The following CPSF2 variants were observed in gnomAD, a reference collection of about 807,000 sequenced individuals.
CPSF2 encodes cleavage and polyadenylation specific factor 2.
Under a neutral mutation model 84.2 loss-of-function variants are expected in CPSF2, and 51 were observed. That is an observed-to-expected ratio of 0.61 (90% confidence interval 0.48 to 0.77). CPSF2 has a LOEUF of 0.77. CPSF2 is among the 30% of genes least tolerant of loss of function. The probability of loss-of-function intolerance (pLI) is 0.00; values close to 1 mark genes in which losing one functional copy is unlikely to be tolerated. For missense variants in CPSF2, 641 were observed against 929.4 expected, an observed-to-expected ratio of 0.69 and a Z score of 4.03; for synonymous variants, 286 against 311.9, an observed-to-expected ratio of 0.92 and a Z score of 0.87.
Position 92,160,251 on chromosome 14 carries a change from A to G in CPSF2, c.2122-861A>G, listed in dbSNP as rs149505273. On this transcript the variant is annotated intron_variant, in intron 14 of 15. Transcript: ENST00000298875. Reference sequence around the variant, plus strand: ...GTGCTGGGATTACAGGCGTGAGCCAATGCACCCAGCCAATAGTCATACCTC... The same window carrying G: ...GTGCTGGGATTACAGGCGTGAGCCAGTGCACCCAGCCAATAGTCATACCTC... Among the ~76,000 whole-genome samples the G allele has an allele frequency of 6.3e-3, 957 of 152,272 alleles. 9 individuals are homozygous for G. The highest frequency in any genetic ancestry group is 0.022 in the African/African-American group (903 of 41,568).
Position 92,155,133 on chromosome 14 carries a change from G to C in CPSF2, c.1252G>C (p.Asp418His). The change falls in exon 11 of 16, where the codon GAT (aspartate) becomes CAT (histidine). Residue 418 changes from aspartate to histidine, a missense_variant. Physicochemically the swap from Asp to His is moderately conservative, Grantham distance 81. Transcript: ENST00000298875. ...CTAAAATCCTCCTAGGGCAGATATA[G>C]ATTCCAGTGATGAGAGTGATATTGA... ...KLEQSKEADI[D>H]SSDESDIEED... 6.2e-7 allele frequency: 1 copy of C among 1,612,372 alleles called. No homozygotes were observed. The highest frequency in any genetic ancestry group is 8.5e-7 in the Non-Finnish European group (1 of 1,178,482).
At chr14:92,144,341 T>C (rs753922038) in intron 9 of CPSF2, among the ~76,000 whole-genome samples, 13 of 152,242 alleles carry the variant, frequency 8.5e-5, no homozygotes, top group Non-Finnish European at 1.8e-4. Flanking sequence ...CCATTCCTGC[T>C]ATCATGCTAT....
intron 9 of CPSF2, among the ~76,000 whole-genome samples, chr14:92,151,453 T>C (rs10131491): frequency 0.099 from 14,888 of 150,798 alleles, 805 homozygotes; most frequent in East Asian, 0.15. Context: ...AAAAAAAAAT[T>C]AACACAACAG....
At chr14:92,145,126 C>T (rs1314788053) in intron 9 of CPSF2, among the ~76,000 whole-genome samples, 1 of 152,154 alleles carries the variant, frequency 6.6e-6, no homozygotes, top group Non-Finnish European at 1.5e-5. Flanking sequence ...TTAATAACTG[C>T]CAGAGTTGTA....
At chr14:92,147,629 A>C (rs528884106) in intron 9 of CPSF2, among the ~76,000 whole-genome samples, 8 of 152,344 alleles carry the variant, frequency 5.3e-5, no homozygotes, top group African/African-American at 1.7e-4. Flanking sequence ...TTTTAAAAAA[A>C]ACCCACTATT....
rs2069435018 is a variant in CPSF2 at position 92,165,693 on chromosome 14, T to C, written c.*3949T>C. 1 of 152,092 alleles carries C rather than the reference T, an allele frequency of 6.6e-6. No individual in the cohort carries two copies. Among genetic ancestry groups the C allele is most frequent in the South Asian group, 2.1e-4 (1 of 4,822 alleles). The allele number at this position is 152,092 out of a possible 1,614,324, so 9.4% of individuals were successfully genotyped here. On this transcript the variant is annotated 3_prime_UTR_variant, in exon 16 of 16. Coordinates refer to ENST00000298875, the MANE Select transcript of CPSF2 (RefSeq NM_017437.3). The stretch of plus-strand genomic sequence containing the variant: ...TGTAAGAGTTTTTTTATATATTTTC[T>C]GGATACTAAACCATTATATATTGAT...
chr14:92,129,143 G>A (rs1378745948), intron 2 of CPSF2, among the ~76,000 whole-genome samples: 1 of 152,076 alleles, frequency 6.6e-6, no homozygotes, highest in East Asian at 1.9e-4. Flanking sequence ...AAGTACAGGG[G>A]GTACAAGAAG....
intron 9 of CPSF2, among the ~76,000 whole-genome samples, chr14:92,153,703 C>CT (rs35788212): frequency 0.28 from 37,199 of 131,214 alleles, 5,720 homozygotes; most frequent in East Asian, 0.43. Context: ...CCACTACTGG[C>CT]TTTTTTTTTT....
At chr14:92,146,108 CA>C (rs1349714557) in intron 9 of CPSF2, among the ~76,000 whole-genome samples, 2 of 152,184 alleles carry the variant, frequency 1.3e-5, no homozygotes, top group African/African-American at 4.8e-5. Flanking sequence ...AAGTGTATAG[CA>C]TGATGAACTT....
rs149061419 is a variant in CPSF2 at position 92,166,387 on chromosome 14, C to G, written c.*4643C>G. 1 of 152,056 alleles carries G rather than the reference C, an allele frequency of 6.6e-6. No individual in the cohort carries two copies. The highest frequency in any genetic ancestry group is 1.5e-5 in the Non-Finnish European group (1 of 68,054). 9.4% of individuals were successfully genotyped at this position (152,056 alleles called of 1,614,324 possible). ...TTTGAGGCAGGGTCTCACTCTGTCA[C>G]GCAGGCTTGTGTGCATTGGTGCAAT... On this transcript the variant is annotated 3_prime_UTR_variant, in exon 16 of 16. Transcript: ENST00000298875.
rs931134040 is a variant in CPSF2, at chr14:92,169,856, G to A, written c.*8112G>A. ...TCTAATAGTATAAAAATCAGTGTAGGCCCAGCACAGTGGTTCACACCTGTA... is the reference window on the plus strand; with the variant it reads ...TCTAATAGTATAAAAATCAGTGTAGACCCAGCACAGTGGTTCACACCTGTA... On this transcript the variant is annotated 3_prime_UTR_variant, in exon 16 of 16. Transcript: ENST00000298875. The A allele has an allele frequency of 5.9e-5, 9 of 152,052 alleles. No homozygotes were observed. Among genetic ancestry groups the A allele is most frequent in the Admixed American group, 5.2e-4 (8 of 15,254 alleles). 9.4% of individuals were successfully genotyped at this position (152,052 alleles called of 1,614,324 possible).
At chr14:92,146,413 C>T (rs900704370) in intron 9 of CPSF2, among the ~76,000 whole-genome samples, 3 of 151,988 alleles carry the variant, frequency 2.0e-5, no homozygotes, top group East Asian at 1.9e-4. Context: ...CCCAGCTACT[C>T]GGGAGGCTGA....
intron 7 of CPSF2, among the ~76,000 whole-genome samples, chr14:92,140,895 CAG>C (rs1264066516): frequency 6.6e-6 from 1 of 152,050 alleles, no homozygotes. Context: ...GCCTGGGTGA[CAG>C]AGCGAGACCC....
chr14:92,130,620 TTTAA>T (rs2068909963), intron 2 of CPSF2, among the ~76,000 whole-genome samples: 2 of 152,220 alleles, frequency 1.3e-5, no homozygotes, highest in South Asian at 4.1e-4. Context: ...GTGAGGAAAG[TTTAA>T]TTAACTTGCT....
intron 2 of CPSF2, among the ~76,000 whole-genome samples, chr14:92,126,889 A>C (rs989598302): frequency 6.6e-6 from 1 of 152,158 alleles, no homozygotes; most frequent in Non-Finnish European, 1.5e-5. Flanking sequence ...GGGATGTGCT[A>C]ATGTACTAAG....
In CPSF2 at chr14:92,157,378, A is replaced by G. The variant is rs2069303663; in HGVS notation, c.1596-281A>G. Reference sequence around the variant, plus strand: ...CAAAATTATCCCTGCGTGGTGGTGCATGCCTATAATCCCAGTTACTTGGGA... The same window carrying G: ...CAAAATTATCCCTGCGTGGTGGTGCGTGCCTATAATCCCAGTTACTTGGGA... On this transcript the variant is annotated intron_variant, in intron 12 of 15. Transcript: ENST00000298875. This position sits in a 1 kb window ranked among gnomAD's most constrained non-coding sequence, Gnocchi z 4.0. 6.6e-6 allele frequency among the ~76,000 whole-genome samples: 1 copy of G among 152,152 alleles called. No homozygotes were observed. The highest frequency in any genetic ancestry group is 1.5e-5 in the Non-Finnish European group (1 of 68,022).
intron 3 of CPSF2, among the ~76,000 whole-genome samples, chr14:92,132,196 G>A (rs1406461052): frequency 4.0e-5 from 6 of 151,622 alleles, no homozygotes; most frequent in Non-Finnish European, 7.4e-5. Context: ...GTGCAATGGC[G>A]TGCTTTTGGC....
chr14:92,148,167 T>C (rs909148721), intron 9 of CPSF2, among the ~76,000 whole-genome samples: 1 of 152,218 alleles, frequency 6.6e-6, no homozygotes, highest in African/African-American at 2.4e-5. Context: ...TTCCCCCTTT[T>C]CCATTACTTT....
intron 9 of CPSF2, among the ~76,000 whole-genome samples, chr14:92,153,175 G>C (rs1403807395): frequency 3.3e-5 from 5 of 151,908 alleles, no homozygotes; most frequent in Non-Finnish European, 7.4e-5. Context: ...CAATCTCATA[G>C]ATGAAAACAA....
Sources: gnomAD v4.1 joint callset for allele counts (sites outside exome capture counted in the v4.1 genomes callset) on GRCh38, gnomAD v4.1.1 for gene constraint, Gnocchi (gnomAD v3.1) non-coding constraint, MANE v1.5 for transcripts, NCBI Gene and HGNC (gene_info 2026-07-23, HGNC 2026-07-21) for gene names.